MED12L: variants seen among roughly 807,000 people sequenced by gnomAD.
MED12L encodes mediator of RNA polymerase II transcription subunit 12-like protein.
A neutral mutation model predicts 281.3 loss-of-function variants in MED12L; 60 were observed. The ratio of observed to expected loss-of-function variants is 0.21; its 90% confidence interval spans 0.17 to 0.26. The LOEUF (loss-of-function observed/expected upper bound fraction) is 0.26, where lower values mean the gene tolerates loss of function less well. Among genes scored for constraint, MED12L ranks in the 10% least tolerant of loss-of-function variants. MED12L has a pLI of 1.00. For missense variants in MED12L, 2,146 were observed against 2,680.9 expected (o/e 0.80, Z 4.41); for synonymous variants, 974 against 987.2 (o/e 0.99, Z 0.25).
In MED12L at chr3:151,317,741, C is replaced by T. The variant is rs138393771; in HGVS notation, c.2251-32318C>T. 1.1e-3 allele frequency among the ~76,000 whole-genome samples: 160 copies of T among 151,974 alleles called. 1 individual carries two copies. The highest frequency in any genetic ancestry group is 3.6e-3 in the African/African-American group (151 of 41,442). ...CTGGGATTACATGTGTGAGCCACTG[C>T]GCCCGGCCACTTTTTCTGATTTGTA... On this transcript the variant is annotated intron_variant, in intron 16 of 44. Coordinates refer to ENST00000687756, the MANE Select transcript of MED12L (RefSeq NM_001393769.1).
intron 16 of MED12L, among the ~76,000 whole-genome samples, chr3:151,205,262 C>A (rs1471954185): frequency 1.3e-5 from 2 of 152,140 alleles, no homozygotes; most frequent in Non-Finnish European, 2.9e-5. Context: ...GTTATTTTTC[C>A]CTTACCTTGG....
In MED12L at chr3:151,372,730, A is replaced by T. The variant is rs1265891074; in HGVS notation, c.3828A>T (p.Glu1276Asp). 6.2e-7 allele frequency: 1 copy of T among 1,613,756 alleles called. No individual in the cohort carries two copies. The change falls in exon 27 of 45, where the codon GAA becomes GAT. Residue 1276 changes from glutamate (E) to aspartate (D), a missense_variant. Physicochemically the swap from Glu to Asp is conservative, Grantham distance 45. Transcript: ENST00000687756. ...SISIETANLR[E>D]YARYVLRTIC... Reference sequence around the variant, plus strand: ...CCATAGAAACTGCCAATTTAAGAGAATACGCTAGATATGTACTGAGGACTA... The same window carrying T: ...CCATAGAAACTGCCAATTTAAGAGATTACGCTAGATATGTACTGAGGACTA...
chr3:151,319,062 T>A (rs1748661962), intron 16 of MED12L, among the ~76,000 whole-genome samples: 1 of 152,182 alleles, frequency 6.6e-6, no homozygotes, highest in African/African-American at 2.4e-5. Context: ...AACAAAAAAG[T>A]TAACGCAAGG....
chr3:151,367,898 T>C lies in MED12L; in HGVS notation c.3448+132T>C, dbSNP rs1157869190. 4 of 1,073,092 alleles carry C rather than the reference T, an allele frequency of 3.7e-6. No homozygotes were observed. The East Asian group carries it at 9.7e-5, about 26-fold the overall frequency. The allele number at this position is 1,073,092 out of a possible 1,614,324, so 66.5% of individuals were successfully genotyped here. Reference sequence around the variant, plus strand: ...GGAAGTGGTGTAGTATCAAGGTAGATATGGTAGAATTTTAATAGTTATTTT... The same window carrying C: ...GGAAGTGGTGTAGTATCAAGGTAGACATGGTAGAATTTTAATAGTTATTTT... On this transcript the variant is annotated intron_variant, in intron 24 of 44. Transcript: ENST00000687756.
At chr3:151,367,787 A>G (rs1273544574) in intron 24 of MED12L, 21 bp downstream of exon 24, 3 of 1,591,766 alleles carry the variant, frequency 1.9e-6, no homozygotes, top group East Asian at 2.3e-5. Context: ...ATCCATGAAC[A>G]TCCGTTGCTC....
intron 16 of MED12L, among the ~76,000 whole-genome samples, chr3:151,232,137 C>T (rs981557429): frequency 3.9e-5 from 6 of 152,124 alleles, no homozygotes; most frequent in African/African-American, 7.2e-5. Flanking sequence ...GTGGGGTCTC[C>T]TCTGCCCATC....
At chr3:151,260,461 C>T (rs1397847696) in intron 16 of MED12L, among the ~76,000 whole-genome samples, 1 of 152,058 alleles carries the variant, frequency 6.6e-6, no homozygotes, top group Non-Finnish European at 1.5e-5. Flanking sequence ...GCAGTCCTCC[C>T]ATATTAGCCT....
chr3:151,188,405 T>C lies in MED12L; in HGVS notation c.1678T>C (p.Ser560Pro). 6.2e-7 allele frequency: 1 copy of C among 1,611,832 alleles called. No homozygotes were observed. The highest frequency in any genetic ancestry group is 8.5e-7 in the Non-Finnish European group (1 of 1,177,960). ...TGAGAAGGAGTCTATTTCTTCATCCTCTCTTGCTGGATCCAGTTTGCCTGT... is the reference window on the plus strand; with the variant it reads ...TGAGAAGGAGTCTATTTCTTCATCCCCTCTTGCTGGATCCAGTTTGCCTGT... ...LDEKESISSS[S>P]LAGSSLPVFQ... Residue 560 changes from serine to proline, a missense_variant, in exon 13 of 45, where the codon TCT becomes CCT. Ser to Pro is a moderately conservative substitution (Grantham distance 74). Coordinates refer to ENST00000687756, the MANE Select transcript of MED12L (RefSeq NM_001393769.1).
In MED12L at chr3:151,336,622, G is replaced by A. The variant is rs182391117; in HGVS notation, c.2251-13437G>A. ...TATGTTTTGTTTATGTTAAAATAGC[G>A]AATATGCCTTGTGTAGAATTAGACT... On this transcript the variant is annotated intron_variant, in intron 16 of 44. Coordinates refer to ENST00000687756, the MANE Select transcript of MED12L (RefSeq NM_001393769.1). 292 of 447,312 alleles carry A rather than the reference G, an allele frequency of 6.5e-4. 1 individual carries two copies. In the East Asian group the frequency reaches 0.011, roughly 17 times the overall value. 27.7% of individuals were successfully genotyped at this position (447,312 alleles called of 1,614,324 possible).
At chr3:151,152,760 T>C (rs1718723829) in intron 5 of MED12L, among the ~76,000 whole-genome samples, 8 of 152,226 alleles carry the variant, frequency 5.3e-5, no homozygotes, top group Admixed American at 5.2e-4. Flanking sequence ...ACAACTAATA[T>C]GTGGCAGATC....
intron 16 of MED12L, among the ~76,000 whole-genome samples, chr3:151,267,146 A>C (rs1026224541): frequency 6.6e-6 from 1 of 152,228 alleles, no homozygotes. Flanking sequence ...GACTGTTTAC[A>C]GGAACTATCA....
intron 39 of MED12L, among the ~76,000 whole-genome samples, chr3:151,396,876 G>A (rs902832750): frequency 2.6e-5 from 4 of 152,142 alleles, no homozygotes; most frequent in African/African-American, 4.8e-5. Flanking sequence ...CATGACAAAC[G>A]ATTTCAGCTA....
At chr3:151,323,621 T>C (rs1490473071) in intron 16 of MED12L, among the ~76,000 whole-genome samples, 2 of 152,210 alleles carry the variant, frequency 1.3e-5, no homozygotes, top group Non-Finnish European at 2.9e-5. Flanking sequence ...AATTTCCATC[T>C]CCTGTGAACC....
chr3:151,139,442 G>A (rs1017638653), intron 5 of MED12L, among the ~76,000 whole-genome samples: 2 of 152,188 alleles, frequency 1.3e-5, no homozygotes, highest in Non-Finnish European at 2.9e-5. Flanking sequence ...ACTAACTCAT[G>A]TATGTACATA....
intron 8 of MED12L, among the ~76,000 whole-genome samples, chr3:151,161,762 A>G (rs1237999677): frequency 6.6e-6 from 1 of 152,202 alleles, no homozygotes; most frequent in Non-Finnish European, 1.5e-5. Flanking sequence ...TCCAAACCAA[A>G]GCAATCAGGA....
At chr3:151,253,332 C>T (rs143661339) in intron 16 of MED12L, among the ~76,000 whole-genome samples, 6 of 152,296 alleles carry the variant, frequency 3.9e-5, no homozygotes, top group East Asian at 1.9e-4. Context: ...AGGGGCCTTC[C>T]GCTCTTACCC....
At chr3:151,230,276 G>C (rs938500893) in intron 16 of MED12L, among the ~76,000 whole-genome samples, 7 of 152,196 alleles carry the variant, frequency 4.6e-5, no homozygotes, top group Non-Finnish European at 8.8e-5. Context: ...ACCCGGCCGG[G>C]ATCTGTTCTT....
chr3:151,168,298 T>C (rs1318585407), intron 11 of MED12L, among the ~76,000 whole-genome samples: 1 of 152,196 alleles, frequency 6.6e-6, no homozygotes, highest in East Asian at 1.9e-4. Context: ...TGGAAATGAA[T>C]GTAATTATTA....
chr3:151,336,415 T>G (rs1222645620), intron 16 of MED12L: 1 of 438,092 alleles, frequency 2.3e-6, no homozygotes, highest in East Asian at 7.0e-5. Context: ...CAGCAGAGGT[T>G]GTAGAGGGTT....
Sources: gnomAD v4.1 joint callset for allele counts (sites outside exome capture counted in the v4.1 genomes callset) on GRCh38, gnomAD v4.1.1 for gene constraint, MANE v1.5 for transcripts, NCBI Gene and HGNC (gene_info 2026-07-23, HGNC 2026-07-21) for gene names.